Variants in TAOK3 observed in about 807,000 individuals in gnomAD.
The protein encoded by TAOK3 is TAO kinase 3, also known as serine/threonine-protein kinase TAO3.
In TAOK3, 40 loss-of-function variants were observed where a neutral mutation model predicts 120.4. The observed-to-expected ratio is 0.33, with a 90% confidence interval of 0.26 to 0.43. The LOEUF (loss-of-function observed/expected upper bound fraction) is 0.43. Among genes scored for constraint, TAOK3 ranks in the 20% least tolerant of loss-of-function variants. The pLI, the probability that TAOK3 is intolerant of heterozygous loss-of-function variation, is 1.00. For synonymous variants in TAOK3, 355 were observed against 387.5 expected (o/e 0.92, Z 0.99); for missense variants, 821 against 1,112.1 (o/e 0.74, Z 3.72).
intron 2 of TAOK3, chr12:118,256,193 A>G (rs1271553890): frequency 6.6e-6 from 1 of 152,230 alleles, no homozygotes; most frequent in East Asian, 1.9e-4. Flanking sequence ...TAGTTATTAG[A>G]GAAACGAAAA....
At chr12:118,293,739 T>C (rs7957828) in intron 1 of TAOK3, among the ~76,000 whole-genome samples, 38,358 of 150,884 alleles carry the variant, frequency 0.25, 5,737 homozygotes, top group African/African-American at 0.42. Context: ...TTCTGATGGG[T>C]GTGGTGGCTC....
chr12:118,302,052 A>C (rs984893550), intron 1 of TAOK3, among the ~76,000 whole-genome samples: 1 of 152,180 alleles, frequency 6.6e-6, no homozygotes, highest in African/African-American at 2.4e-5. Flanking sequence ...ACACTTGTCC[A>C]GTATGGTGGG....
rs574536800 is a variant in TAOK3 at position 118,289,230 on chromosome 12, T to C, written c.-193-22471A>G. On this transcript the variant is annotated intron_variant, in intron 1 of 20. Transcript: ENST00000392533. ...GCAGGAAAATCTTGAACCCAGGAGG[T>C]TGAGGCTGCAGTGATCTGAGATTGC... 4.8e-5 allele frequency among the ~76,000 whole-genome samples: 7 copies of C among 145,374 alleles called. No individual in the cohort carries two copies. In the South Asian group the frequency reaches 1.3e-3, roughly 27 times the overall value.
rs1192169739 is a variant in TAOK3 at position 118,161,517 on chromosome 12, C to T, written c.2139+271G>A. ...GCTATTAGTCCAGTTTTGAAGATGG[C>T]AGGTCATGAAGTGCTCAGAGAAATT... is the stretch of plus-strand genomic sequence containing the variant. On this transcript the variant is annotated intron_variant, in intron 18 of 20. Coordinates refer to ENST00000392533, the MANE Select transcript of TAOK3 (RefSeq NM_016281.4). This position sits in a 1 kb window ranked among gnomAD's most constrained non-coding sequence, Gnocchi z 4.5. Among the ~76,000 whole-genome samples the T allele has an allele frequency of 1.3e-5, 2 of 152,212 alleles. No homozygotes were observed. Among genetic ancestry groups the T allele is most frequent in the African/African-American group, 2.4e-5 (1 of 41,450 alleles).
intron 1 of TAOK3, among the ~76,000 whole-genome samples, chr12:118,344,533 C>A (rs1466567106): frequency 6.6e-6 from 1 of 152,042 alleles, no homozygotes; most frequent in South Asian, 2.1e-4. Flanking sequence ...TACCACTTTA[C>A]AGCATATTCA....
intron 1 of TAOK3, among the ~76,000 whole-genome samples, chr12:118,361,369 C>G (rs945889911): frequency 6.6e-6 from 1 of 151,984 alleles, no homozygotes; most frequent in Admixed American, 6.6e-5. Flanking sequence ...AAATTCAAGG[C>G]TGCTCCAAGA....
chr12:118,208,797 C>A (rs1383245111), intron 11 of TAOK3, among the ~76,000 whole-genome samples: 2 of 152,100 alleles, frequency 1.3e-5, no homozygotes, highest in Non-Finnish European at 2.9e-5. Flanking sequence ...CTGCAAACTT[C>A]GCCTTCCGGG....
intron 16 of TAOK3, among the ~76,000 whole-genome samples, chr12:118,174,588 A>G (rs2036205762): frequency 6.6e-6 from 1 of 152,200 alleles, no homozygotes; most frequent in African/African-American, 2.4e-5. Context: ...AATGGTGGCC[A>G]TAGTCATAAA....
chr12:118,187,706 C>T (rs1035105802), intron 14 of TAOK3, among the ~76,000 whole-genome samples: 4 of 152,104 alleles, frequency 2.6e-5, no homozygotes, highest in African/African-American at 9.7e-5. Flanking sequence ...AGAGGGCACC[C>T]CACAAAAACA....
In TAOK3 at chr12:118,326,778, G is replaced by T. The variant is rs979609170; in HGVS notation, c.-194+45870C>A. Among the ~76,000 whole-genome samples the T allele has an allele frequency of 2.6e-5, 4 of 152,042 alleles. No homozygotes were observed. In the East Asian group the frequency reaches 5.8e-4, roughly 22 times the overall value. ...TGCTGGTAAAACATTCAGTGCTCTG[G>T]TTTTTTTATTATAAAGGTAATACGT... On this transcript the variant is annotated intron_variant, in intron 1 of 20. Coordinates refer to ENST00000392533, the MANE Select transcript of TAOK3 (RefSeq NM_016281.4).
chr12:118,191,049 T>C (rs988751914), intron 13 of TAOK3, among the ~76,000 whole-genome samples: 5 of 152,344 alleles, frequency 3.3e-5, no homozygotes, highest in African/African-American at 1.2e-4. Flanking sequence ...GAAGTCAGTA[T>C]TGCATTTTAT....
intron 11 of TAOK3, among the ~76,000 whole-genome samples, chr12:118,202,541 T>C (rs1011313095): frequency 6.6e-6 from 1 of 152,184 alleles, no homozygotes. Context: ...CGCTTATCTT[T>C]TTTGATAATA....
chr12:118,293,510 T>TA (rs968753311), intron 1 of TAOK3, among the ~76,000 whole-genome samples: 29 of 150,086 alleles, frequency 1.9e-4, no homozygotes, highest in African/African-American at 6.9e-4. Flanking sequence ...ACCCAGTTTC[T>TA]AAAAAAAATA....
intron 1 of TAOK3, among the ~76,000 whole-genome samples, chr12:118,285,372 G>A (rs1221792781): frequency 6.7e-6 from 1 of 148,222 alleles, no homozygotes; most frequent in African/African-American, 2.5e-5. Flanking sequence ...TATTTTTTGA[G>A]ACCAAGTCTT....
rs1485735675 is a variant in TAOK3 at position 118,371,592 on chromosome 12, G to C, written c.-194+1056C>G. Among the ~76,000 whole-genome samples, 1 of 152,022 alleles carries C rather than the reference G, an allele frequency of 6.6e-6. No individual in the cohort carries two copies. The highest frequency in any genetic ancestry group is 1.5e-5 in the Non-Finnish European group (1 of 67,970). On this transcript the variant is annotated intron_variant, in intron 1 of 20. Coordinates refer to ENST00000392533, the MANE Select transcript of TAOK3 (RefSeq NM_016281.4). The surrounding 1 kb of genome is among the most constrained non-coding windows in gnomAD (Gnocchi z 5.5). Reference sequence around the variant, plus strand: ...GGGAGGTCGCTGATGCCAGACCCTGGGAGCACCTCCCCGCTCCACTCGTCT... The same window carrying C: ...GGGAGGTCGCTGATGCCAGACCCTGCGAGCACCTCCCCGCTCCACTCGTCT...
intron 1 of TAOK3, among the ~76,000 whole-genome samples, chr12:118,277,218 T>TTCTC (rs2041934065): frequency 6.6e-6 from 1 of 152,190 alleles, no homozygotes; most frequent in Admixed American, 6.5e-5. Flanking sequence ...TAGACCACGT[T>TTCTC]TCTCTACCTG....
intron 1 of TAOK3, among the ~76,000 whole-genome samples, chr12:118,331,465 T>C (rs1053299915): frequency 6.6e-6 from 1 of 151,954 alleles, no homozygotes; most frequent in Non-Finnish European, 1.5e-5. Flanking sequence ...GCCAACATGA[T>C]GAAACCCAGT....
At chr12:118,364,551 G>C (rs1172561624) in intron 1 of TAOK3, among the ~76,000 whole-genome samples, 1 of 152,186 alleles carries the variant, frequency 6.6e-6, no homozygotes, top group African/African-American at 2.4e-5. Context: ...CCAGCTATGA[G>C]ATTCAGCAAA....
chr12:118,268,654 G>C (rs2041562282), intron 1 of TAOK3, among the ~76,000 whole-genome samples: 1 of 152,170 alleles, frequency 6.6e-6, no homozygotes, highest in South Asian at 2.1e-4. Flanking sequence ...TCTGACTATA[G>C]CTCCAATAAA....
Sources: gnomAD v4.1 joint callset for allele counts (sites outside exome capture counted in the v4.1 genomes callset) on GRCh38, gnomAD v4.1.1 for gene constraint, Gnocchi (gnomAD v3.1) non-coding constraint, MANE v1.5 for transcripts, NCBI Gene and HGNC (gene_info 2026-07-23, HGNC 2026-07-21) for gene names.